The following ZCCHC17 variants were observed in gnomAD, a reference collection of about 807,000 sequenced individuals.
ZCCHC17 encodes zinc finger CCHC-type containing 17, also known as zinc finger CCHC domain-containing protein 17.
Under a neutral mutation model 30.6 loss-of-function variants are expected in ZCCHC17, and 18 were observed. The observed-to-expected ratio is 0.59, with a 90% confidence interval of 0.41 to 0.87. ZCCHC17 has a LOEUF of 0.87. Among genes scored for constraint, ZCCHC17 ranks in the 40% least tolerant of loss-of-function variants. The pLI is 0.00. For missense variants in ZCCHC17, 263 were observed against 284.2 expected (o/e 0.93, Z 0.54); for synonymous variants, 88 against 92.4 (o/e 0.95, Z 0.27).
In ZCCHC17 at chr1:31,351,390, A is replaced by G. The variant is rs149371228; in HGVS notation, c.564+2416A>G. Among the ~76,000 whole-genome samples the G allele has an allele frequency of 9.2e-5, 14 of 151,544 alleles. No homozygotes were observed. In the East Asian group the frequency reaches 2.5e-3, roughly 27 times the overall value. On this transcript the variant is annotated intron_variant, in intron 7 of 7. Transcript: ENST00000344147. ...TGGCCTAGGGAGTTTTAAAAAATAC[A>G]TATTTGCCCTCTACCTCTTAGGTAC...
intron 1 of ZCCHC17, among the ~76,000 whole-genome samples, chr1:31,307,101 G>A (rs1248907152): frequency 2.6e-5 from 4 of 151,862 alleles, no homozygotes; most frequent in African/African-American, 9.7e-5. Flanking sequence ...CTCCCAAAGC[G>A]CTGGGATTAC....
chr1:31,308,901 A>T (rs1305911035), intron 1 of ZCCHC17, among the ~76,000 whole-genome samples: 2 of 152,240 alleles, frequency 1.3e-5, no homozygotes, highest in Non-Finnish European at 2.9e-5. Context: ...GGTACGTGTT[A>T]ACAAAAAGTT....
chr1:31,358,490 A>G (rs1639732694), intron 7 of ZCCHC17, among the ~76,000 whole-genome samples: 1 of 152,210 alleles, frequency 6.6e-6, no homozygotes, highest in African/African-American at 2.4e-5. Flanking sequence ...GACTAGAATG[A>G]CAGTGGCAAA....
At chr1:31,337,002 T>C in intron 3 of ZCCHC17, 173 bp from the exon 4 acceptor site, 1 of 530,688 alleles carries the variant, frequency 1.9e-6, no homozygotes, top group Non-Finnish European at 3.3e-6. Context: ...AGAATGTTTG[T>C]TGGTTGATTG....
At chr1:31,326,188 C>G (rs1382771571) in intron 3 of ZCCHC17, among the ~76,000 whole-genome samples, 1 of 151,944 alleles carries the variant, frequency 6.6e-6, no homozygotes, top group Non-Finnish European at 1.5e-5. Context: ...GAATATTCAA[C>G]AGATTAACAA....
At chr1:31,322,353 C>T (rs1457263775) in intron 3 of ZCCHC17, among the ~76,000 whole-genome samples, 1 of 152,192 alleles carries the variant, frequency 6.6e-6, no homozygotes, top group Non-Finnish European at 1.5e-5. Context: ...TCTCACTTGG[C>T]TACAATTTTT....
Position 31,358,720 on chromosome 1 carries a change from G to A in ZCCHC17, c.565-5312G>A, listed in dbSNP as rs116770891. 3.1e-3 allele frequency among the ~76,000 whole-genome samples: 477 copies of A among 152,054 alleles called. 5 individuals carry two copies. The highest frequency in any genetic ancestry group is 0.011 in the African/African-American group (461 of 41,474). On this transcript the variant is annotated intron_variant, in intron 7 of 7. Transcript: ENST00000344147. ...GGAGAGTCTAGGTTTGGGAGGGGGC[G>A]GGGCATAGAAATTGAGTTGCCTATC... is the stretch of plus-strand genomic sequence containing the variant.
At chr1:31,339,319 G>A (rs563183746) in intron 5 of ZCCHC17, among the ~76,000 whole-genome samples, 70 of 152,186 alleles carry the variant, frequency 4.6e-4, no homozygotes, top group Non-Finnish European at 8.4e-4. Flanking sequence ...CCAACATGGC[G>A]AAACCCCGTC....
chr1:31,326,925 T>C (rs1006705583), intron 3 of ZCCHC17, among the ~76,000 whole-genome samples: 2 of 152,212 alleles, frequency 1.3e-5, no homozygotes, highest in African/African-American at 4.8e-5. Flanking sequence ...AGAAAATAAC[T>C]CTGGTCTGAT....
chr1:31,297,174 C>G (rs1318487723), intron 1 of ZCCHC17, 99 bp downstream of exon 1: 1 of 400,404 alleles, frequency 2.5e-6, no homozygotes, highest in Non-Finnish European at 4.4e-6. Context: ...AGGGTGCTGA[C>G]AGCAAGGGGT....
chr1:31,343,474 C>T (rs1639122248), intron 5 of ZCCHC17, among the ~76,000 whole-genome samples: 1 of 152,206 alleles, frequency 6.6e-6, no homozygotes, highest in South Asian at 2.1e-4. Context: ...ATCCTGTCTT[C>T]AGCCATCCAT....
chr1:31,337,482 G>A (rs1638866615), intron 4 of ZCCHC17, among the ~76,000 whole-genome samples: 1 of 152,088 alleles, frequency 6.6e-6, no homozygotes, highest in African/African-American at 2.4e-5. Context: ...ATAAAAGTGT[G>A]GTGCAATAAG....
chr1:31,361,778 A>G (rs1436569639), intron 7 of ZCCHC17, among the ~76,000 whole-genome samples: 3 of 149,834 alleles, frequency 2.0e-5, no homozygotes, highest in Non-Finnish European at 4.4e-5. Context: ...TTTTGGGGAG[A>G]GGGGGAGATT....
intron 5 of ZCCHC17, among the ~76,000 whole-genome samples, chr1:31,341,749 A>G (rs768589340): frequency 1.2e-4 from 19 of 152,340 alleles, no homozygotes; most frequent in Non-Finnish European, 2.6e-4. Flanking sequence ...TTTACTATAA[A>G]AGGAGACAGT....
chr1:31,337,372 G>T (rs533992694), intron 4 of ZCCHC17, 97 bp downstream of exon 4: 1 of 1,054,206 alleles, frequency 9.5e-7, no homozygotes, highest in Admixed American at 2.1e-5. Context: ...TTTGTTAATT[G>T]TGCTGATAAT....
intron 2 of ZCCHC17, among the ~76,000 whole-genome samples, chr1:31,315,978 A>C (rs1325841605): frequency 6.6e-6 from 1 of 152,244 alleles, no homozygotes; most frequent in African/African-American, 2.4e-5. Flanking sequence ...ATTAAGGTCT[A>C]TTATATTACC....
At chr1:31,346,904 T>TA in intron 6 of ZCCHC17, 164 bp downstream of exon 6, 1 of 1,430,022 alleles carries the variant, frequency 7.0e-7, no homozygotes, top group East Asian at 2.5e-5. Context: ...CATGGGGTGA[T>TA]ACATTTTCTG....
At chr1:31,337,777 G>A (rs1638878628) in intron 4 of ZCCHC17, among the ~76,000 whole-genome samples, 2 of 151,894 alleles carry the variant, frequency 1.3e-5, no homozygotes, top group South Asian at 4.2e-4. Context: ...GTGGGTGTGG[G>A]CCGACCACAG....
intron 3 of ZCCHC17, among the ~76,000 whole-genome samples, chr1:31,326,864 C>T (rs1638370475): frequency 6.6e-6 from 1 of 152,130 alleles, no homozygotes; most frequent in Non-Finnish European, 1.5e-5. Context: ...CTTAGTTTCT[C>T]TGCCCATAAA....
Sources: gnomAD v4.1 joint callset for allele counts (sites outside exome capture counted in the v4.1 genomes callset) on GRCh38, gnomAD v4.1.1 for gene constraint, MANE v1.5 for transcripts, NCBI Gene and HGNC (gene_info 2026-07-23, HGNC 2026-07-21) for gene names.